The following ARMC3 variants were observed in gnomAD, a reference collection of about 807,000 sequenced individuals.
ARMC3 encodes armadillo repeat-containing protein 3.
A neutral mutation model predicts 90.3 loss-of-function variants in ARMC3; 74 were observed. The observed-to-expected ratio is 0.82, with a 90% CI of 0.68 to 0.99. ARMC3 has a LOEUF of 0.99. ARMC3 is among the 50% of genes least tolerant of loss of function. ARMC3 has a pLI of 0.00. For missense variants in ARMC3, 958 were observed against 1,042.8 expected (o/e 0.92, Z 1.12); for synonymous variants, 334 against 361.8 (o/e 0.92, Z 0.87).
intron 18 of ARMC3, among the ~76,000 whole-genome samples, chr10:23,036,875 C>T (rs926690338): frequency 6.6e-5 from 10 of 152,222 alleles, no homozygotes; most frequent in African/African-American, 1.9e-4. Flanking sequence ...AAAGAGCCCC[C>T]GCCCCAGGGT....
At chr10:22,962,824 T>A (rs541752763) in intron 7 of ARMC3, among the ~76,000 whole-genome samples, 1 of 152,224 alleles carries the variant, frequency 6.6e-6, no homozygotes, top group Non-Finnish European at 1.5e-5. Flanking sequence ...AGTTTGATGA[T>A]ACAACACTGG....
chr10:22,983,992 G>C (rs780723782), intron 10 of ARMC3, among the ~76,000 whole-genome samples: 3 of 152,164 alleles, frequency 2.0e-5, no homozygotes, highest in Non-Finnish European at 4.4e-5. Context: ...TCGTGGCTTT[G>C]CTGCTGGGGT....
intron 17 of ARMC3, among the ~76,000 whole-genome samples, chr10:23,031,435 C>T (rs1163535128): frequency 6.6e-6 from 1 of 152,146 alleles, no homozygotes; most frequent in African/African-American, 2.4e-5. Flanking sequence ...ACTGACACCA[C>T]TCAGTAGGTA....
chr10:23,025,788 A>G (rs1206512823), intron 16 of ARMC3, among the ~76,000 whole-genome samples: 1 of 152,166 alleles, frequency 6.6e-6, no homozygotes, highest in Non-Finnish European at 1.5e-5. Context: ...GAGAAAATCA[A>G]TGAAATAAAA....
chr10:22,956,674 T>C (rs924014073), intron 4 of ARMC3, among the ~76,000 whole-genome samples: 2 of 149,020 alleles, frequency 1.3e-5, no homozygotes, highest in African/African-American at 4.9e-5. Flanking sequence ...ATATATGTCA[T>C]ATTATTATAT....
In ARMC3 at chr10:22,981,500, A is replaced by T; in HGVS notation, c.1069+8A>T. ...ATTTTTTCAATAATCAGGGTAAGTC[A>T]ACTGGAAACAATTCTTTTGAGCATT... is the stretch of plus-strand genomic sequence containing the variant. On this transcript the variant is annotated splice_region_variant and intron_variant, in intron 9 of 18. Coordinates refer to ENST00000298032, the MANE Select transcript of ARMC3 (RefSeq NM_173081.5). 4 of 1,613,608 alleles carry T rather than the reference A, an allele frequency of 2.5e-6. No homozygotes were observed. The South Asian group carries it at 4.4e-5, about 18-fold the overall frequency.
intron 18 of ARMC3, among the ~76,000 whole-genome samples, chr10:23,034,769 T>G (rs921942465): frequency 2.0e-5 from 3 of 152,212 alleles, no homozygotes; most frequent in African/African-American, 7.2e-5. Flanking sequence ...TCTTAAATAT[T>G]GGGGTTCCTC....
At chr10:23,036,191 C>G (rs1180036074) in intron 18 of ARMC3, among the ~76,000 whole-genome samples, 1 of 152,104 alleles carries the variant, frequency 6.6e-6, no homozygotes, top group Non-Finnish European at 1.5e-5. Context: ...ATTTTTGTCT[C>G]TCTACCCCAC....
chr10:22,970,576 AG>A (rs1253521869), intron 8 of ARMC3, among the ~76,000 whole-genome samples: 1 of 152,222 alleles, frequency 6.6e-6, no homozygotes, highest in African/African-American at 2.4e-5. Flanking sequence ...GGAAATGTTT[AG>A]GACCAGACAC....
chr10:22,974,932 C>CA (rs11455873), intron 8 of ARMC3, among the ~76,000 whole-genome samples: 152,323 of 152,326 alleles, frequency 1, 76,160 homozygotes, highest in Middle Eastern at 1. Context: ...ATGAGCCCCA[C>CA]CCTGGCCAAG....
intron 2 of ARMC3, among the ~76,000 whole-genome samples, chr10:22,938,277 G>C (rs1834189938): frequency 6.6e-6 from 1 of 152,154 alleles, no homozygotes; most frequent in South Asian, 2.1e-4. Flanking sequence ...TGTGACAGGA[G>C]ATTAGTGAGC....
At chr10:22,984,822 T>C (rs567968268) in intron 10 of ARMC3, among the ~76,000 whole-genome samples, 120 of 152,186 alleles carry the variant, frequency 7.9e-4, no homozygotes, top group African/African-American at 2.8e-3. Flanking sequence ...AAAAAACTTT[T>C]AAAAATTTGC....
In ARMC3 at chr10:23,037,414, A is replaced by G. The variant is rs766736536; in HGVS notation, c.2554A>G (p.Met852Val). 1.2e-6 allele frequency: 2 copies of G among 1,613,944 alleles called. No individual in the cohort carries two copies. The highest frequency in any genetic ancestry group is 2.7e-5 in the African/African-American group (2 of 74,906). The part of the protein sequence containing the change: ...PAPEMYVIDL[M>V]FHPGGLMKLR... ...TCCTGAGATGTACGTGATTGACCTC[A>G]TGTTCCATCCAGGTGGACTGATGAA... Residue 852 changes from methionine (M) to valine (V), a missense_variant, in exon 19 of 19, where the codon ATG (methionine) becomes GTG (valine). Coordinates refer to ENST00000298032, the MANE Select transcript of ARMC3 (RefSeq NM_173081.5).
intron 13 of ARMC3, among the ~76,000 whole-genome samples, chr10:23,003,661 G>C (rs1162652957): frequency 1.3e-5 from 2 of 152,098 alleles, no homozygotes; most frequent in Non-Finnish European, 2.9e-5. Flanking sequence ...TTTCAGATAA[G>C]ATACAAAAGA....
At chr10:22,953,224 A>C (rs550780272) in intron 3 of ARMC3, among the ~76,000 whole-genome samples, 2 of 152,310 alleles carry the variant, frequency 1.3e-5, no homozygotes, top group Non-Finnish European at 2.9e-5. Context: ...GGAAAAGAAA[A>C]GGAAATGGAT....
intron 8 of ARMC3, among the ~76,000 whole-genome samples, chr10:22,979,757 T>C (rs1265135081): frequency 6.6e-6 from 1 of 152,182 alleles, no homozygotes; most frequent in Non-Finnish European, 1.5e-5. Context: ...TAGAGTTAAG[T>C]ATTAACTGAA....
intron 2 of ARMC3, among the ~76,000 whole-genome samples, chr10:22,932,823 C>T (rs976531349): frequency 4.6e-5 from 7 of 152,202 alleles, no homozygotes; most frequent in African/African-American, 1.7e-4. Context: ...GTGGTTAAGA[C>T]ACTGGGGGCC....
intron 16 of ARMC3, 129 bp from the exon 17 acceptor site, chr10:23,030,467 G>A (rs997587637): frequency 4.8e-6 from 7 of 1,444,726 alleles, no homozygotes; most frequent in Non-Finnish European, 6.4e-6. Flanking sequence ...GATCCACACA[G>A]TTCAATCTCA....
intron 2 of ARMC3, among the ~76,000 whole-genome samples, chr10:22,939,533 C>T (rs941998527): frequency 6.6e-6 from 1 of 152,172 alleles, no homozygotes; most frequent in African/African-American, 2.4e-5. Flanking sequence ...GCTAAACTAT[C>T]CAGCCCTATA....
Sources: allele counts gnomAD v4.1 joint callset (sites outside exome capture counted in the v4.1 genomes callset), GRCh38; gene constraint gnomAD v4.1.1; transcripts MANE v1.5; gene names NCBI Gene and HGNC (gene_info 2026-07-23, HGNC 2026-07-21).